Variants in RIC1 observed in about 807,000 individuals in gnomAD.
RIC1 encodes guanine nucleotide exchange factor subunit RIC1.
In RIC1, 88 loss-of-function variants were observed where a neutral mutation model predicts 169.0. The observed-to-expected ratio is 0.52, with a 90% CI of 0.44 to 0.62. The LOEUF is 0.62. RIC1 is among the 20% of genes least tolerant of loss of function. RIC1 has a pLI of 0.00. For missense variants in RIC1, 1,877 were observed against 1,725.5 expected, an observed-to-expected ratio of 1.09 and a Z score of -1.56; for synonymous variants, 790 against 601.5, an observed-to-expected ratio of 1.31 and a Z score of -4.59.
At chr9:5,683,443 A>G (rs10815270) in intron 2 of RIC1, among the ~76,000 whole-genome samples, 50,685 of 152,070 alleles carry the variant, frequency 0.33, 8,970 homozygotes, top group East Asian at 0.61. Flanking sequence ...TATCAGCAGC[A>G]GTGGCTGCAG....
intron 1 of RIC1, among the ~76,000 whole-genome samples, chr9:5,653,024 A>G (rs1301741590): frequency 6.6e-6 from 1 of 152,198 alleles, no homozygotes; most frequent in Non-Finnish European, 1.5e-5. Context: ...GTCTGTGCTG[A>G]ACCATCCTTG....
At chr9:5,702,798 T>G (rs902309512) in intron 3 of RIC1, among the ~76,000 whole-genome samples, 1 of 152,132 alleles carries the variant, frequency 6.6e-6, no homozygotes, top group African/African-American at 2.4e-5. Context: ...CTGCCCGACT[T>G]GGCCTCCCAA....
intron 1 of RIC1, among the ~76,000 whole-genome samples, chr9:5,648,230 T>C (rs1818629082): frequency 6.6e-6 from 1 of 152,180 alleles, no homozygotes; most frequent in Admixed American, 6.5e-5. Flanking sequence ...GTGATCCACC[T>C]GTCTCGGCCT....
chr9:5,763,631 A>G lies in RIC1; in HGVS notation c.2604A>G (p.Val868=). The G allele has an allele frequency of 2.5e-6, 4 of 1,614,178 alleles. No individual in the cohort carries two copies. The highest frequency in any genetic ancestry group is 3.4e-6 in the Non-Finnish European group (4 of 1,180,024). The change falls in exon 19 of 26, where the codon GTA becomes GTG. Residue 868 remains valine (V), a synonymous_variant. Transcript: ENST00000414202. The surrounding 1 kb of genome is among the most constrained non-coding windows in gnomAD (Gnocchi z 5.2). Reference sequence around the variant, plus strand: ...TGCTGGAGCTCATGCTCCATGAAGTACTGGAAGAAGAAGCTACCTCACGGG... The same window carrying G: ...TGCTGGAGCTCATGCTCCATGAAGTGCTGGAAGAAGAAGCTACCTCACGGG... ...PHVLELMLHE[V]LEEEATSREP... is the part of the protein sequence containing the mutation.
At chr9:5,727,530 CCTT>C (rs1824073776) in intron 6 of RIC1, among the ~76,000 whole-genome samples, 1 of 152,178 alleles carries the variant, frequency 6.6e-6, no homozygotes, top group Non-Finnish European at 1.5e-5. Flanking sequence ...TCGTCTGAAG[CCTT>C]CTTCTCTCAA....
At chr9:5,659,570 G>A (rs556348644) in intron 2 of RIC1, among the ~76,000 whole-genome samples, 39 of 152,146 alleles carry the variant, frequency 2.6e-4, no homozygotes, top group African/African-American at 8.9e-4. Context: ...AAATACCATT[G>A]GGAATTTGGT....
chr9:5,702,093 C>G (rs921168533), intron 3 of RIC1, among the ~76,000 whole-genome samples: 1 of 152,078 alleles, frequency 6.6e-6, no homozygotes, highest in African/African-American at 2.4e-5. Context: ...CAGTCTGAAG[C>G]TCATAGTTTA....
chr9:5,657,714 C>G (rs1819184126), intron 2 of RIC1, among the ~76,000 whole-genome samples: 1 of 152,086 alleles, frequency 6.6e-6, no homozygotes, highest in South Asian at 2.1e-4. Flanking sequence ...ATGAAAAATA[C>G]TGAGTAGTTC....
At chr9:5,689,219 T>A (rs1417231980) in intron 2 of RIC1, among the ~76,000 whole-genome samples, 1 of 151,906 alleles carries the variant, frequency 6.6e-6, no homozygotes, top group African/African-American at 2.4e-5. Flanking sequence ...CGGCTAATTT[T>A]TTTGTATTTT....
chr9:5,715,468 C>T (rs1215473439), intron 4 of RIC1, among the ~76,000 whole-genome samples: 1 of 152,196 alleles, frequency 6.6e-6, no homozygotes, highest in Non-Finnish European at 1.5e-5. Flanking sequence ...AGTGAAATAA[C>T]TGCATTTCAG....
At position 5,671,554 on chromosome 9, in the gene RIC1, G is replaced by A. The variant is rs185027276; in HGVS notation, c.252+14864G>A. Among the ~76,000 whole-genome samples the A allele has an allele frequency of 3.7e-3, 556 of 152,276 alleles. 2 individuals are homozygous for A. The highest frequency in any genetic ancestry group is 0.013 in the African/African-American group (543 of 41,548). On this transcript the variant is annotated intron_variant, in intron 2 of 25. Coordinates refer to ENST00000414202, the MANE Select transcript of RIC1 (RefSeq NM_020829.4). ...GCCTCCCGAAGTGTTGGGATTATGG[G>A]CATGAGTCACTGCACCCAGCCTGTA...
At chr9:5,734,200 G>C (rs1824553877) in intron 7 of RIC1, among the ~76,000 whole-genome samples, 1 of 151,634 alleles carries the variant, frequency 6.6e-6, no homozygotes, top group Non-Finnish European at 1.5e-5. Context: ...TCTGCCTCCT[G>C]GGTTCAAGTG....
At chr9:5,728,056 T>C (rs904352204) in intron 6 of RIC1, among the ~76,000 whole-genome samples, 6 of 152,222 alleles carry the variant, frequency 3.9e-5, no homozygotes, top group African/African-American at 7.2e-5. Context: ...GGCAAACCAC[T>C]ACTCTCTTCA....
In RIC1 at chr9:5,774,288, AG is replaced by A; in HGVS notation, c.*43del. On this transcript the variant is annotated 3_prime_UTR_variant, in exon 26 of 26. Coordinates refer to ENST00000414202, the MANE Select transcript of RIC1 (RefSeq NM_020829.4). The stretch of plus-strand genomic sequence containing the variant: ...CAAAGGGGCAGTATTAATTAGCAGC[AG>A]CGTGCAGCTCAGTACGTTGTAACAT... 1 of 1,542,918 alleles carries A rather than the reference AG, an allele frequency of 6.5e-7. No homozygotes were observed. The highest frequency in any genetic ancestry group is 8.8e-7 in the Non-Finnish European group (1 of 1,135,942).
intron 2 of RIC1, among the ~76,000 whole-genome samples, chr9:5,689,021 T>C (rs1166427434): frequency 6.6e-6 from 1 of 151,022 alleles, no homozygotes; most frequent in African/African-American, 2.4e-5. Context: ...GATCATGTAA[T>C]AGCACTGTTT....
At position 5,753,980 on chromosome 9, in the gene RIC1, C is replaced by T. The variant is rs561546462; in HGVS notation, c.1602+334C>T. On this transcript the variant is annotated intron_variant, in intron 14 of 25. Coordinates refer to ENST00000414202, the MANE Select transcript of RIC1 (RefSeq NM_020829.4). ...GATTTCCACAGAATTTGAGATCATT[C>T]CATGCCTATTCTGTGTGTGATGTAT... Among the ~76,000 whole-genome samples the T allele has an allele frequency of 3.3e-5, 5 of 152,228 alleles. No individual in the cohort carries two copies. The South Asian group carries it at 1.0e-3, about 32-fold the overall frequency.
Position 5,742,862 on chromosome 9 carries a change from C to G in RIC1, c.902-7C>G, listed in dbSNP as rs376555854. 31 of 1,598,606 alleles carry G rather than the reference C, an allele frequency of 1.9e-5. No individual in the cohort carries two copies. In the African/African-American group the frequency reaches 2.7e-4, roughly 14 times the overall value. The stretch of plus-strand genomic sequence containing the variant: ...TATTTTTAACTCTTCTCACTATTTC[C>G]TAACAGACATTTGGAATAAAACAGG... On this transcript the variant is annotated splice_region_variant and splice_polypyrimidine_tract_variant and intron_variant, in intron 8 of 25. Coordinates refer to ENST00000414202, the MANE Select transcript of RIC1 (RefSeq NM_020829.4).
intron 3 of RIC1, among the ~76,000 whole-genome samples, chr9:5,712,001 G>A (rs990232521): frequency 1.1e-4 from 17 of 152,136 alleles, no homozygotes; most frequent in Non-Finnish European, 1.3e-4. Context: ...TTGGTTCCAA[G>A]TCTTTGCTAT....
intron 4 of RIC1, among the ~76,000 whole-genome samples, chr9:5,719,950 T>A (rs1823488134): frequency 6.6e-6 from 1 of 152,226 alleles, no homozygotes; most frequent in Non-Finnish European, 1.5e-5. Context: ...AGTTTTTAAC[T>A]AGTTTTATCA....
Sources: allele counts gnomAD v4.1 joint callset (sites outside exome capture counted in the v4.1 genomes callset), GRCh38; gene constraint gnomAD v4.1.1; non-coding constraint Gnocchi (gnomAD v3.1); transcripts MANE v1.5; gene names NCBI Gene and HGNC (gene_info 2026-07-23, HGNC 2026-07-21).